The following MACROD2 variants were observed in gnomAD, a reference collection of about 807,000 sequenced individuals.
MACROD2 encodes mono-ADP ribosylhydrolase 2, also known as ADP-ribose glycohydrolase MACROD2.
Under a neutral mutation model 70.4 loss-of-function variants are expected in MACROD2, and 36 were observed. The observed-to-expected ratio is 0.51, with a 90% CI of 0.39 to 0.68. MACROD2 has a LOEUF of 0.68. Ranked by LOEUF, MACROD2 falls within the 30% of genes least tolerant of loss-of-function variation. The pLI is 0.00. For missense variants in MACROD2, 496 were observed against 538.4 expected (o/e 0.92, Z 0.78); for synonymous variants, 172 against 178.8 (o/e 0.96, Z 0.30).
chr20:13,996,243 C>T (rs1436156174), intron 1 of MACROD2: 2 of 206,554 alleles, frequency 9.7e-6, no homozygotes, highest in Non-Finnish European at 1.9e-5. Context: ...GCCGCTGTGC[C>T]TCCGCGCTCC....
intron 3 of MACROD2, among the ~76,000 whole-genome samples, chr20:14,231,572 C>T (rs1255600180): frequency 6.6e-6 from 1 of 152,114 alleles, no homozygotes; most frequent in Non-Finnish European, 1.5e-5. Context: ...CAAGTCTTTG[C>T]TATTGTGAGT....
intron 8 of MACROD2, among the ~76,000 whole-genome samples, chr20:15,692,248 C>G (rs926768985): frequency 6.6e-6 from 1 of 152,042 alleles, no homozygotes; most frequent in African/African-American, 2.4e-5. Context: ...AGGCCCATGG[C>G]AAAATCAAAC....
chr20:14,144,262 G>T (rs1303944187), intron 3 of MACROD2, among the ~76,000 whole-genome samples: 1 of 152,080 alleles, frequency 6.6e-6, no homozygotes, highest in Non-Finnish European at 1.5e-5. Flanking sequence ...ATATTACAAA[G>T]AATATATTAC....
At chr20:14,187,000 G>A (rs2081350255) in intron 3 of MACROD2, among the ~76,000 whole-genome samples, 2 of 152,020 alleles carry the variant, frequency 1.3e-5, no homozygotes, top group African/African-American at 4.8e-5. Context: ...TACCGGAAGG[G>A]TACTGTGTTT....
At chr20:14,884,191 T>C (rs1431468886) in intron 5 of MACROD2, 1 of 152,194 alleles carries the variant, frequency 6.6e-6, no homozygotes. Flanking sequence ...TCTCTTCTTG[T>C]TGACTCTTTC....
At chr20:14,974,610 G>A (rs936610096) in intron 5 of MACROD2, among the ~76,000 whole-genome samples, 7 of 152,056 alleles carry the variant, frequency 4.6e-5, no homozygotes, top group South Asian at 2.1e-4. Context: ...TAGAAAGGGA[G>A]GGTCATGTAG....
chr20:14,824,864 G>A (rs2072884643), intron 5 of MACROD2, among the ~76,000 whole-genome samples: 1 of 152,052 alleles, frequency 6.6e-6, no homozygotes, highest in African/African-American at 2.4e-5. Context: ...GTTTATTGAG[G>A]TACTACCATG....
chr20:14,993,643 C>T (rs1378957893), intron 5 of MACROD2, among the ~76,000 whole-genome samples: 2 of 151,750 alleles, frequency 1.3e-5, no homozygotes, highest in Non-Finnish European at 2.9e-5. Context: ...TGATATTTAA[C>T]AAGAAAAAAA....
Position 14,049,183 on chromosome 20 carries a change from A to AAAAAAC in MACROD2, c.164-36433_164-36432insCAAAAA, listed in dbSNP as rs1555913499. Among the ~76,000 whole-genome samples the AAAAAAC allele has an allele frequency of 4.7e-4, 68 of 146,194 alleles. No homozygotes were observed. In the South Asian group the frequency reaches 5.4e-3, roughly 12 times the overall value. The stretch of plus-strand genomic sequence containing the variant: ...CTAAAAATATATTTAATAAAAAAAA[A>AAAAAAC]AAAAAACAAAAAAACAAAAAAGCCT... On this transcript the variant is annotated intron_variant, in intron 2 of 17. Transcript: ENST00000684519.
At chr20:14,477,101 G>A (rs1325494819) in intron 3 of MACROD2, among the ~76,000 whole-genome samples, 2 of 152,164 alleles carry the variant, frequency 1.3e-5, no homozygotes, top group Admixed American at 6.5e-5. Context: ...GAGGCGGGAA[G>A]GGGACTGGAC....
rs532870999 is a variant in MACROD2, at chr20:14,965,453, C to CTTTTTT, written c.419-264467_419-264462dup. Among the ~76,000 whole-genome samples the CTTTTTT allele has an allele frequency of 2.7e-3, 181 of 68,084 alleles. 1 individual carries two copies. Among genetic ancestry groups the CTTTTTT allele is most frequent in the Middle Eastern group, 0.018 (1 of 56 alleles). The allele number at this position is 68,084 out of a possible 152,430, so 44.7% of individuals were successfully genotyped here. On this transcript the variant is annotated intron_variant, in intron 5 of 17. Coordinates refer to ENST00000684519, the MANE Select transcript of MACROD2 (RefSeq NM_001351661.2). ...GGACGGCTAAAAGTTATTTTTTTTT[C>CTTTTTT]TTTTTTTTTTTTTTTTTTTTTTTTT...
intron 4 of MACROD2, among the ~76,000 whole-genome samples, chr20:14,564,460 T>C (rs918492953): frequency 2.6e-5 from 4 of 151,446 alleles, no homozygotes; most frequent in Admixed American, 2.6e-4. Flanking sequence ...TGGACAAAGG[T>C]CTAATATCCA....
At position 14,867,246 on chromosome 20, in the gene MACROD2, G is replaced by A. The variant is rs541829209; in HGVS notation, c.418+182287G>A. ...GTATGTGGCATTATTTTCTTTGAGGGAGAAGAAACTTTTTATTTGGGTGCG... is the reference window on the plus strand; with the variant it reads ...GTATGTGGCATTATTTTCTTTGAGGAAGAAGAAACTTTTTATTTGGGTGCG... On this transcript the variant is annotated intron_variant, in intron 5 of 17. Coordinates refer to ENST00000684519, the MANE Select transcript of MACROD2 (RefSeq NM_001351661.2). Among the ~76,000 whole-genome samples the A allele has an allele frequency of 3.3e-5, 5 of 152,250 alleles. No individual in the cohort carries two copies. In the South Asian group the frequency reaches 1.0e-3, roughly 32 times the overall value.
intron 5 of MACROD2, among the ~76,000 whole-genome samples, chr20:14,788,832 G>A (rs144539014): frequency 0.014 from 1,960 of 140,008 alleles, 31 homozygotes; most frequent in South Asian, 0.044. Flanking sequence ...GCGGTGGTGC[G>A]ATCTCGGCTT....
chr20:15,461,006 A>ATATATATATATATATATTTTTTT, intron 7 of MACROD2, among the ~76,000 whole-genome samples: 29 of 66,996 alleles, frequency 4.3e-4, no homozygotes, highest in East Asian at 6.1e-4. Flanking sequence ...ATATATATAT[A>ATATATATATATATATATTTTTTT]TTTTTTTTTA....
At chr20:15,161,041 G>A (rs991314255) in intron 5 of MACROD2, among the ~76,000 whole-genome samples, 6 of 152,078 alleles carry the variant, frequency 3.9e-5, no homozygotes, top group South Asian at 2.1e-4. Context: ...GGTGTAAGGA[G>A]CAGTAGAAGT....
At chr20:14,004,022 C>A (rs1353991063) in intron 2 of MACROD2, among the ~76,000 whole-genome samples, 1 of 151,992 alleles carries the variant, frequency 6.6e-6, no homozygotes, top group Non-Finnish European at 1.5e-5. Context: ...GTCGAGTATC[C>A]CTTATCCAAA....
chr20:15,385,223 T>C (rs2045697150), intron 6 of MACROD2, among the ~76,000 whole-genome samples: 1 of 152,186 alleles, frequency 6.6e-6, no homozygotes, highest in Non-Finnish European at 1.5e-5. Flanking sequence ...ACAGAGAATT[T>C]GTCTTGAATA....
chr20:14,098,079 G>A (rs2054252568), intron 3 of MACROD2, among the ~76,000 whole-genome samples: 4 of 152,174 alleles, frequency 2.6e-5, no homozygotes, highest in Non-Finnish European at 5.9e-5. Context: ...GCCGTCTAAA[G>A]AGATACAAAG....
Sources: gnomAD v4.1 joint callset for allele counts (sites outside exome capture counted in the v4.1 genomes callset) on GRCh38, gnomAD v4.1.1 for gene constraint, MANE v1.5 for transcripts, NCBI Gene and HGNC (gene_info 2026-07-23, HGNC 2026-07-21) for gene names.